Variants in DBN1 observed in about 807,000 individuals in gnomAD.
The protein encoded by DBN1 is drebrin 1.
DBN1 carries 21 observed loss-of-function variants against 83.5 expected under a neutral mutation model. That is an observed-to-expected ratio of 0.25 (90% CI 0.18 to 0.36). DBN1 has a LOEUF of 0.36. Among genes scored for constraint, DBN1 ranks in the 10% least tolerant of loss-of-function variants. DBN1 has a pLI of 1.00. For missense variants in DBN1, 874 were observed against 935.7 expected (o/e 0.93, Z 0.86); for synonymous variants, 381 against 384.9 (o/e 0.99, Z 0.12).
At chr5:177,459,796 C>T in intron 10 of DBN1, 56 bp from the exon 11 acceptor site, 1 of 1,405,062 alleles carries the variant, frequency 7.1e-7, no homozygotes, top group Non-Finnish European at 9.3e-7. Context: ...GTCAGTCTCC[C>T]CCACCCCTGC....
chr5:177,469,636 G>A (rs1054287414), intron 1 of DBN1, among the ~76,000 whole-genome samples: 3 of 152,304 alleles, frequency 2.0e-5, no homozygotes, highest in South Asian at 2.1e-4. Context: ...TTCTGTCTGA[G>A]CTCTAACAGA....
intron 10 of DBN1, among the ~76,000 whole-genome samples, chr5:177,460,171 C>T (rs991525947): frequency 1.3e-5 from 2 of 152,230 alleles, no homozygotes; most frequent in Admixed American, 1.3e-4. Flanking sequence ...CCGTGGCCAG[C>T]GCTGTGCCTC....
intron 1 of DBN1, among the ~76,000 whole-genome samples, chr5:177,469,535 G>GC (rs1182905991): frequency 1.3e-5 from 2 of 152,146 alleles, no homozygotes; most frequent in African/African-American, 2.4e-5. Context: ...CCAGACTCTG[G>GC]CCCCGGGGTG....
At chr5:177,468,320 AC>A in intron 2 of DBN1, 100 bp from the exon 3 acceptor site, 2 of 1,041,438 alleles carry the variant, frequency 1.9e-6, no homozygotes, top group Non-Finnish European at 1.5e-6. Flanking sequence ...CTCCACAGGC[AC>A]CCCCAGGGGT....
intron 2 of DBN1, among the ~76,000 whole-genome samples, 160 bp from the exon 3 acceptor site, chr5:177,468,380 G>A (rs560336762): frequency 1.2e-4 from 19 of 152,278 alleles, no homozygotes; most frequent in African/African-American, 4.3e-4. Flanking sequence ...TGGTATGTGT[G>A]GGGGTGGTGG....
intron 8 of DBN1, among the ~76,000 whole-genome samples, chr5:177,461,982 C>T (rs1457894154): frequency 6.6e-6 from 1 of 152,210 alleles, no homozygotes; most frequent in African/African-American, 2.4e-5. Flanking sequence ...GGTGACAGAG[C>T]CCTGGCGACA....
chr5:177,465,584 G>A (rs532305234), intron 8 of DBN1, among the ~76,000 whole-genome samples: 13 of 152,188 alleles, frequency 8.5e-5, no homozygotes, highest in South Asian at 6.2e-4. Flanking sequence ...GGCCAGGCGC[G>A]GTGGCTCACG....
At chr5:177,468,580 A>T (rs1486494928) in intron 2 of DBN1, 2 of 435,464 alleles carry the variant, frequency 4.6e-6, no homozygotes, top group Non-Finnish European at 8.1e-6. Flanking sequence ...CCTTCCCCCA[A>T]AGTGTCCCAG....
chr5:177,467,631 C>A lies in DBN1; in HGVS notation c.331-4G>T, dbSNP rs1453058566. 6.4e-7 allele frequency: 1 copy of A among 1,571,894 alleles called. No individual in the cohort carries two copies. On this transcript the variant is annotated splice_region_variant and splice_polypyrimidine_tract_variant and intron_variant, in intron 4 of 14. Transcript: ENST00000393565. This position sits in a 1 kb window ranked among gnomAD's most constrained non-coding sequence, Gnocchi z 9.1. ...CGTTCACGATCACGTCGACACCCTTCCGCAAGAAGACGGCAGTGCTCAGGC... is the reference window on the plus strand; with the variant it reads ...CGTTCACGATCACGTCGACACCCTTACGCAAGAAGACGGCAGTGCTCAGGC...
At chr5:177,472,447 T>A in intron 1 of DBN1, 1 of 1,337,274 alleles carries the variant, frequency 7.5e-7, no homozygotes, top group Non-Finnish European at 9.5e-7. Flanking sequence ...GATGGGGCTG[T>A]GAGGAACCCC....
chr5:177,473,311 C>G, intron 1 of DBN1, 125 bp downstream of exon 1: 1 of 499,378 alleles, frequency 2.0e-6, no homozygotes, highest in Non-Finnish European at 3.1e-6. Context: ...CCGGCCCTCC[C>G]GGCCCGCTGC....
intron 2 of DBN1, chr5:177,468,591 C>A: frequency 2.3e-6 from 1 of 433,282 alleles, no homozygotes; most frequent in Non-Finnish European, 4.1e-6. Flanking sequence ...AGTGTCCCAG[C>A]TGTGTGGCTT....
At position 177,473,571 on chromosome 5, in the gene DBN1, G is replaced by T. The variant is rs1271168401; in HGVS notation, c.-50C>A. On this transcript the variant is annotated 5_prime_UTR_variant, in exon 1 of 15. Coordinates refer to ENST00000393565, the MANE Select transcript of DBN1 (RefSeq NM_001363541.2). ...GGACAGACGCGCGGACGGACGGGCGGACGGAGGAGGAGGGAGGGAAAGAGG... is the reference window on the plus strand; with the variant it reads ...GGACAGACGCGCGGACGGACGGGCGTACGGAGGAGGAGGGAGGGAAAGAGG... 1.6e-6 allele frequency: 2 copies of T among 1,229,476 alleles called. No homozygotes were observed. Among genetic ancestry groups the T allele is most frequent in the South Asian group, 4.0e-5 (2 of 49,902 alleles). The allele number at this position is 1,229,476 out of a possible 1,614,324, so 76.2% of individuals were successfully genotyped here. A position where few individuals can be genotyped will look rare whatever the true frequency, so the allele number is the denominator to read the frequency against.
chr5:177,466,890 G>T lies in DBN1; in HGVS notation c.707+21C>A. 1 of 1,613,320 alleles carries T rather than the reference G, an allele frequency of 6.2e-7. No homozygotes were observed. The highest frequency in any genetic ancestry group is 1.1e-5 in the South Asian group (1 of 91,058). On this transcript the variant is annotated intron_variant, in intron 7 of 14. Coordinates refer to ENST00000393565, the MANE Select transcript of DBN1 (RefSeq NM_001363541.2). The surrounding 1 kb of genome is among the most constrained non-coding windows in gnomAD (Gnocchi z 4.8). ...GGGTGCGCCCGGGGGCCCCTGGAGC[G>T]CTCCGGGCGGGCAGGCTCACCTGTG...
At chr5:177,462,197 C>G (rs1429400491) in intron 8 of DBN1, 7 of 984,584 alleles carry the variant, frequency 7.1e-6, no homozygotes, top group Non-Finnish European at 8.4e-6. Flanking sequence ...CCAACACCAC[C>G]CCCTGCCGGC....
At position 177,459,204 on chromosome 5, in the gene DBN1, G is replaced by A. The variant is rs777223635; in HGVS notation, c.1158C>T (p.Asp386=). 2 of 1,611,348 alleles carry A rather than the reference G, an allele frequency of 1.2e-6. No individual in the cohort carries two copies. Among genetic ancestry groups the A allele is most frequent in the African/African-American group, 2.7e-5 (2 of 74,726 alleles). The change falls in exon 12 of 15, where the codon GAC becomes GAT. Residue 386 remains aspartate, a synonymous_variant. Coordinates refer to ENST00000393565, the MANE Select transcript of DBN1 (RefSeq NM_001363541.2). ...PTPIPTRSPS[D]SSTASTPVAE... is the part of the protein sequence containing the mutation. Reference sequence around the variant, plus strand: ...CGACAGGGGTGGAGGCGGTGCTGGAGTCAGACGGGCTCCGCGTGGGGATGG... The same window carrying A: ...CGACAGGGGTGGAGGCGGTGCTGGAATCAGACGGGCTCCGCGTGGGGATGG...
At chr5:177,460,157 C>T (rs1561679227) in intron 10 of DBN1, among the ~76,000 whole-genome samples, 1 of 152,258 alleles carries the variant, frequency 6.6e-6, no homozygotes, top group Non-Finnish European at 1.5e-5. Context: ...AGCCGAGCTG[C>T]TCCCCGTGGC....
chr5:177,458,107 T>C lies in DBN1; in HGVS notation c.1865A>G (p.Glu622Gly), dbSNP rs755852173. The change falls in exon 13 of 15, where the codon GAG (glutamate) becomes GGG (glycine). Residue 622 changes from glutamate to glycine, a missense_variant. Glu to Gly is a moderately conservative substitution (Grantham distance 98). This residue lies in a region of DBN1 where 725 missense variants were observed against 719.7 expected (regional missense o/e 1.01). Transcript: ENST00000393565. ...CTCGCCATTGGTTAGCAGGTGGGGC[T>C]CCGGCTCCTGCTCTTGCTCCAGCTC... ...LEELEQEQEP[E>G]PHLLTNGETT... 6.8e-6 allele frequency: 11 copies of C among 1,613,562 alleles called. No homozygotes were observed. Among genetic ancestry groups the C allele is most frequent in the Non-Finnish European group, 8.5e-6 (10 of 1,180,010 alleles).
At chr5:177,464,435 G>T (rs1757261752) in intron 8 of DBN1, among the ~76,000 whole-genome samples, 1 of 150,116 alleles carries the variant, frequency 6.7e-6, no homozygotes, top group East Asian at 1.9e-4. Context: ...GACAGAGCAA[G>T]ACTCTGTCTC....
Sources: gnomAD v4.1 joint callset for allele counts (sites outside exome capture counted in the v4.1 genomes callset) on GRCh38, gnomAD v4.1.1 for gene constraint, gnomAD v4.1.1 regional missense constraint, Gnocchi (gnomAD v3.1) non-coding constraint, MANE v1.5 for transcripts, NCBI Gene and HGNC (gene_info 2026-07-23, HGNC 2026-07-21) for gene names.